WBP2NL: variants seen among roughly 807,000 people sequenced by gnomAD.
WBP2NL encodes postacrosomal sheath WW domain-binding protein.
In WBP2NL, 27 loss-of-function variants were observed where a neutral mutation model predicts 23.3. The ratio of observed to expected loss-of-function variants is 1.16; its 90% CI spans 0.85 to 1.60. WBP2NL has a LOEUF of 1.60. WBP2NL is among the 40% of genes most tolerant of loss of function. WBP2NL has a pLI of 0.00. For synonymous variants in WBP2NL, 151 were observed against 145.9 expected (o/e 1.03, Z -0.25); for missense variants, 370 against 389.5 (o/e 0.95, Z 0.42).
downstream of WBP2NL, chr22:42,032,581 G>A (rs142544922): frequency 9.8e-4 from 283 of 288,074 alleles, 1 homozygote; most frequent in Non-Finnish European, 1.1e-3. Flanking sequence ...TATATAAAAT[G>A]TAGAAGCCCA....
At chr22:42,002,044 C>A in intron 1 of WBP2NL, 1 of 498,042 alleles carries the variant, frequency 2.0e-6, no homozygotes, top group South Asian at 6.9e-5. Context: ...ATTGTGAAGT[C>A]ATTTCTAATT....
At chr22:42,015,533 G>T (rs1313122141) in intron 1 of WBP2NL, among the ~76,000 whole-genome samples, 1 of 151,928 alleles carries the variant, frequency 6.6e-6, no homozygotes, top group Admixed American at 6.6e-5. Flanking sequence ...CTCCTGAGTA[G>T]CTGGGATTAT....
chr22:42,003,459 C>T (rs940795859), intron 1 of WBP2NL: 7 of 151,960 alleles, frequency 4.6e-5, no homozygotes, highest in African/African-American at 1.2e-4. Context: ...AAGGATTAAT[C>T]GAAACAACAG....
rs559269787 is a variant in WBP2NL, at chr22:42,050,373, T to C, written c.*274-7917T>C. Among the ~76,000 whole-genome samples the C allele has an allele frequency of 4.6e-5, 7 of 152,024 alleles. No homozygotes were observed. In the South Asian group the frequency reaches 1.3e-3, roughly 27 times the overall value. Reference sequence around the variant, plus strand: ...CAAAAAAAACAACCTGGGCCAGGCATGGTGGCTTATGCTTGTAATCCCAGC... The same window carrying C: ...CAAAAAAAACAACCTGGGCCAGGCACGGTGGCTTATGCTTGTAATCCCAGC... On this transcript the variant is annotated intron_variant and NMD_transcript_variant, in intron 8 of 8. Coordinates refer to the WBP2NL transcript ENST00000436265.
intron 1 of WBP2NL, among the ~76,000 whole-genome samples, chr22:42,011,048 G>C (rs1034662922): frequency 6.6e-6 from 1 of 152,020 alleles, no homozygotes; most frequent in African/African-American, 2.4e-5. Flanking sequence ...TTTTGTTGAG[G>C]ATTTTTTACA....
intron 8 of WBP2NL, among the ~76,000 whole-genome samples, chr22:42,043,698 C>T (rs1925481491): frequency 6.6e-6 from 1 of 151,640 alleles, no homozygotes; most frequent in African/African-American, 2.4e-5. Flanking sequence ...TTTCAACAAT[C>T]TTTGACACGC....
At chr22:42,010,640 G>A (rs1414301520) in intron 1 of WBP2NL, among the ~76,000 whole-genome samples, 1 of 151,992 alleles carries the variant, frequency 6.6e-6, no homozygotes, top group Non-Finnish European at 1.5e-5. Context: ...CAAGGTTCAC[G>A]CCATTCTCCT....
intron 8 of WBP2NL, among the ~76,000 whole-genome samples, chr22:42,050,120 A>T (rs1295572854): frequency 6.6e-6 from 1 of 152,070 alleles, no homozygotes; most frequent in Non-Finnish European, 1.5e-5. Flanking sequence ...GTTTAAGACC[A>T]GTCTGGGCAA....
chr22:42,015,386 C>T lies in WBP2NL; in HGVS notation c.63-3925C>T, dbSNP rs140794588. Among the ~76,000 whole-genome samples, 46 of 152,062 alleles carry T rather than the reference C, an allele frequency of 3.0e-4. No individual in the cohort carries two copies. In the East Asian group the frequency reaches 7.8e-3, roughly 26 times the overall value. On this transcript the variant is annotated intron_variant, in intron 1 of 5. Coordinates refer to ENST00000328823, the MANE Select transcript of WBP2NL (RefSeq NM_152613.3). ...AGGCAGTTTACAACTCTGCCTTCAC[C>T]TTCACTTCTTTTTGCATCATTTCCT...
In WBP2NL at chr22:42,026,775, A is replaced by G; in HGVS notation, c.524A>G (p.Tyr175Cys). 1.2e-6 allele frequency: 2 copies of G among 1,613,720 alleles called. No homozygotes were observed. The highest frequency in any genetic ancestry group is 8.5e-7 in the Non-Finnish European group (1 of 1,179,830). ...CCATTATAATTCCCAGTTATTGTCT[A>G]TGGAGCCCCACCTGCAGGATATGGA... ...TPQMPCSVIV[Y>C]GAPPAGYGAP... The change falls in exon 6 of 6, where the codon TAT (tyrosine) becomes TGT (cysteine). Residue 175 changes from tyrosine (Y) to cysteine (C), a missense_variant. Tyr to Cys is a radical substitution (Grantham distance 194, BLOSUM62 -2). Transcript: ENST00000328823.
At chr22:42,047,644 CAG>C (rs1462353911) in intron 8 of WBP2NL, among the ~76,000 whole-genome samples, 1 of 136,484 alleles carries the variant, frequency 7.3e-6, no homozygotes, top group Non-Finnish European at 1.6e-5. Flanking sequence ...TTTTTTGAGA[CAG>C]AGTCTCACTC....
intron 5 of WBP2NL, among the ~76,000 whole-genome samples, chr22:42,023,068 A>G (rs1283336756): frequency 6.6e-6 from 1 of 152,244 alleles, no homozygotes; most frequent in South Asian, 2.1e-4. Context: ...TGAAATTCAC[A>G]TAACATATAA....
downstream of WBP2NL, chr22:42,030,053 A>G (rs1924837623): frequency 6.6e-6 from 1 of 152,240 alleles, no homozygotes; most frequent in Admixed American, 6.5e-5. Flanking sequence ...TTTATGTGAA[A>G]TGGAGTAACT....
chr22:42,004,447 A>T (rs1438141330), intron 1 of WBP2NL, among the ~76,000 whole-genome samples: 1 of 151,618 alleles, frequency 6.6e-6, no homozygotes, highest in Non-Finnish European at 1.5e-5. Flanking sequence ...TACAAAAAAT[A>T]GTTGGATGTG....
chr22:42,012,830 A>G (rs1922947861), intron 1 of WBP2NL, among the ~76,000 whole-genome samples: 1 of 151,872 alleles, frequency 6.6e-6, no homozygotes, highest in African/African-American at 2.4e-5. Flanking sequence ...ATCTCTACTA[A>G]AAATGCAAAA....
At position 42,027,508 on chromosome 22, in the gene WBP2NL, C is replaced by A; in HGVS notation, c.*327C>A. 1 of 326,600 alleles carries A rather than the reference C, an allele frequency of 3.1e-6. No homozygotes were observed. The highest frequency in any genetic ancestry group is 5.6e-6 in the Non-Finnish European group (1 of 179,700). 20.2% of individuals were successfully genotyped at this position (326,600 alleles called of 1,614,324 possible). A position where few individuals can be genotyped will look rare whatever the true frequency, so the allele number is the denominator to read the frequency against. On this transcript the variant is annotated 3_prime_UTR_variant, in exon 6 of 6. Coordinates refer to ENST00000328823, the MANE Select transcript of WBP2NL (RefSeq NM_152613.3). The stretch of plus-strand genomic sequence containing the variant: ...AGGTTCCTGTCTTCCCATCCTCATT[C>A]AAGAAACATTTATTATGCTCCGTTT...
Position 42,027,074 on chromosome 22 carries a change from G to A in WBP2NL, c.823G>A (p.Ala275Thr), listed in dbSNP as rs1165702583. ...GNEGPPAGYR[A>T]SPAGSGARPQ... The stretch of plus-strand genomic sequence containing the variant: ...TGAAGGCCCGCCTGCGGGATACAGA[G>A]CCTCACCTGCTGGATCAGGAGCCAG... The change falls in exon 6 of 6, where the codon GCC becomes ACC. Residue 275 changes from alanine (A) to threonine (T), a missense_variant. Physicochemically the swap from Ala to Thr is moderately conservative, Grantham distance 58. Transcript: ENST00000328823. 1 of 1,614,044 alleles carries A rather than the reference G, an allele frequency of 6.2e-7. No homozygotes were observed. Among genetic ancestry groups the A allele is most frequent in the East Asian group, 2.2e-5 (1 of 44,906 alleles).
chr22:42,014,795 TTC>T (rs1923157378), intron 1 of WBP2NL, among the ~76,000 whole-genome samples: 2 of 152,222 alleles, frequency 1.3e-5, no homozygotes, highest in Non-Finnish European at 1.5e-5. Context: ...ACTCTAGAAT[TTC>T]TGTTTGGTTC....
intron 8 of WBP2NL, among the ~76,000 whole-genome samples, chr22:42,051,230 G>A (rs1925827977): frequency 1.3e-5 from 2 of 152,160 alleles, no homozygotes; most frequent in Non-Finnish European, 2.9e-5. Context: ...ATTGCTAAGT[G>A]AAAGAAGCCA....
Sources: gnomAD v4.1 joint callset for allele counts (sites outside exome capture counted in the v4.1 genomes callset) on GRCh38, gnomAD v4.1.1 for gene constraint, MANE v1.5 for transcripts, NCBI Gene and HGNC (gene_info 2026-07-23, HGNC 2026-07-21) for gene names.